The following SPIDR variants were observed in gnomAD, a reference collection of about 807,000 sequenced individuals.
SPIDR encodes the protein scaffold protein involved in DNA repair, also known as DNA repair-scaffolding protein.
In SPIDR, 93 loss-of-function variants were observed where a neutral mutation model predicts 104.6. The ratio of observed to expected loss-of-function variants is 0.89; its 90% CI spans 0.75 to 1.06. SPIDR has a LOEUF of 1.06. Ranked by LOEUF, SPIDR falls within the 50% of genes least tolerant of loss-of-function variation. The pLI, the probability that SPIDR is intolerant of heterozygous loss-of-function variation, is 0.00. For missense variants in SPIDR, 1,154 were observed against 1,111.2 expected (o/e 1.04, Z -0.55); for synonymous variants, 431 against 416.9 (o/e 1.03, Z -0.41).
chr8:47,520,676 A>G (rs4873460), intron 8 of SPIDR, among the ~76,000 whole-genome samples: 1 of 152,210 alleles, frequency 6.6e-6, no homozygotes, highest in African/African-American at 2.4e-5. Context: ...CACAAATGGA[A>G]GGGAGGTATT....
intron 5 of SPIDR, among the ~76,000 whole-genome samples, chr8:47,379,507 G>C (rs1420268609): frequency 1.3e-5 from 2 of 152,184 alleles, no homozygotes; most frequent in Non-Finnish European, 2.9e-5. Flanking sequence ...TCCAGCCTGG[G>C]TGAATTGGGT....
intron 11 of SPIDR, among the ~76,000 whole-genome samples, chr8:47,690,168 G>A (rs1806758089): frequency 6.6e-6 from 1 of 152,014 alleles, no homozygotes; most frequent in African/African-American, 2.4e-5. Flanking sequence ...TGAGGCTTTT[G>A]GAATAATAAG....
chr8:47,405,802 A>C (rs2154320876), intron 6 of SPIDR, among the ~76,000 whole-genome samples: 1 of 152,248 alleles, frequency 6.6e-6, no homozygotes, highest in Admixed American at 6.5e-5. Context: ...TTTTAACATG[A>C]GATATGTTTT....
chr8:47,591,549 T>A (rs1484465588), intron 8 of SPIDR, among the ~76,000 whole-genome samples: 12 of 152,054 alleles, frequency 7.9e-5, no homozygotes, highest in Non-Finnish European at 1.6e-4. Flanking sequence ...CAAGCTTTTT[T>A]TGAAGGGGGG....
intron 8 of SPIDR, among the ~76,000 whole-genome samples, chr8:47,482,427 C>G (rs555471264): frequency 2.0e-5 from 3 of 151,902 alleles, no homozygotes; most frequent in African/African-American, 7.2e-5. Context: ...GAGCGAGGCC[C>G]TGTCTCAAAA....
intron 8 of SPIDR, among the ~76,000 whole-genome samples, chr8:47,586,957 CAG>C (rs2060315630): frequency 6.6e-6 from 1 of 152,082 alleles, no homozygotes; most frequent in Non-Finnish European, 1.5e-5. Context: ...TTAGTAGAGA[CAG>C]AGGTTTCACC....
chr8:47,351,295 T>TG (rs1229562354), intron 5 of SPIDR, among the ~76,000 whole-genome samples: 2 of 152,178 alleles, frequency 1.3e-5, no homozygotes, highest in Non-Finnish European at 2.9e-5. Flanking sequence ...AGACATCCAC[T>TG]GGGGGTCTTG....
chr8:47,302,803 G>A (rs1278264961), intron 5 of SPIDR, among the ~76,000 whole-genome samples: 7 of 152,274 alleles, frequency 4.6e-5, no homozygotes, highest in Admixed American at 2.0e-4. Context: ...CATTCCTCTG[G>A]AAGTTTTTGT....
chr8:47,449,515 A>G (rs2071307775), intron 8 of SPIDR, among the ~76,000 whole-genome samples: 2 of 152,228 alleles, frequency 1.3e-5, no homozygotes, highest in African/African-American at 4.8e-5. Context: ...ATTCTTTGAA[A>G]TAAATAAATT....
chr8:47,484,317 A>G (rs1285228254), intron 8 of SPIDR, among the ~76,000 whole-genome samples: 1 of 152,248 alleles, frequency 6.6e-6, no homozygotes, highest in Admixed American at 6.5e-5. Context: ...CAACCCTTTG[A>G]GAGCAGATCC....
At chr8:47,537,366 A>G (rs1327641661) in intron 8 of SPIDR, among the ~76,000 whole-genome samples, 1 of 152,220 alleles carries the variant, frequency 6.6e-6, no homozygotes. Flanking sequence ...CATCCACACA[A>G]TAGAATATTA....
At chr8:47,567,625 T>C (rs116568698) in intron 8 of SPIDR, among the ~76,000 whole-genome samples, 45 of 152,188 alleles carry the variant, frequency 3.0e-4, no homozygotes, top group African/African-American at 1.1e-3. Flanking sequence ...AAAGCTCAGT[T>C]ACTCAGAGAA....
intron 16 of SPIDR, among the ~76,000 whole-genome samples, chr8:47,717,073 C>G (rs1464070957): frequency 6.6e-6 from 1 of 152,170 alleles, no homozygotes; most frequent in Admixed American, 6.5e-5. Flanking sequence ...TACAGCAGCA[C>G]TGTGTCCCTG....
chr8:47,723,740 A>AT (rs1163305270), intron 16 of SPIDR, among the ~76,000 whole-genome samples: 2 of 152,060 alleles, frequency 1.3e-5, no homozygotes, highest in African/African-American at 2.4e-5. Flanking sequence ...AATTATACTT[A>AT]TTTTTAAGTT....
At chr8:47,621,237 G>C (rs1425313925) in intron 10 of SPIDR, among the ~76,000 whole-genome samples, 2 of 152,010 alleles carry the variant, frequency 1.3e-5, no homozygotes, top group South Asian at 2.1e-4. Flanking sequence ...TTACAGGCGT[G>C]AGCCACCACG....
chr8:47,404,035 A>G (rs2062333070), intron 6 of SPIDR, among the ~76,000 whole-genome samples: 1 of 152,088 alleles, frequency 6.6e-6, no homozygotes, highest in Admixed American at 6.6e-5. Flanking sequence ...AGAGCCTTTG[A>G]AAATAATACC....
chr8:47,640,227 C>T (rs1374347683), intron 10 of SPIDR, among the ~76,000 whole-genome samples: 1 of 152,154 alleles, frequency 6.6e-6, no homozygotes, highest in African/African-American at 2.4e-5. Flanking sequence ...AATGTTATGC[C>T]TGCTGGCAGA....
intron 5 of SPIDR, among the ~76,000 whole-genome samples, chr8:47,387,064 T>A (rs1336869535): frequency 6.6e-6 from 1 of 152,156 alleles, no homozygotes; most frequent in Non-Finnish European, 1.5e-5. Context: ...AGGGGATATT[T>A]AAGCTGAAAC....
chr8:47,361,290 C>T (rs781980187), intron 5 of SPIDR, among the ~76,000 whole-genome samples: 3 of 152,158 alleles, frequency 2.0e-5, no homozygotes, highest in Non-Finnish European at 4.4e-5. Context: ...TATAAGAATT[C>T]AGTTGAGCCT....
Sources: allele counts gnomAD v4.1 joint callset (sites outside exome capture counted in the v4.1 genomes callset), GRCh38; gene constraint gnomAD v4.1.1; transcripts MANE v1.5; gene names NCBI Gene and HGNC (gene_info 2026-07-23, HGNC 2026-07-21).